PTPRC: variants seen among roughly 807,000 people sequenced by gnomAD.
PTPRC encodes the protein receptor-type tyrosine-protein phosphatase C.
A neutral mutation model predicts 155.9 loss-of-function variants in PTPRC; 44 were observed. The observed-to-expected ratio is 0.28, with a 90% CI of 0.22 to 0.36. The LOEUF is 0.36. PTPRC is among the 10% of genes least tolerant of loss of function. The pLI is 1.00. For synonymous variants in PTPRC, 525 were observed against 533.1 expected (o/e 0.98, Z 0.21); for missense variants, 1,401 against 1,564.6 (o/e 0.90, Z 1.76).
chr1:198,704,321 A>G (rs535179895), intron 7 of PTPRC, 151 bp from the exon 8 acceptor site: 2 of 1,393,176 alleles, frequency 1.4e-6, no homozygotes, highest in Non-Finnish European at 1.9e-6. Flanking sequence ...TGAAATGAAA[A>G]CCTGTACTAG....
rs115797104 is a variant in PTPRC at position 198,696,743 on chromosome 1, A to G, written c.132A>G (p.Pro44=). Residue 44 remains proline (P), a synonymous_variant, in exon 4 of 33, where the codon CCA becomes CCG. Coordinates refer to ENST00000442510, the MANE Select transcript of PTPRC (RefSeq NM_002838.5). ...CTACAGCAAAGATGCCCAGTGTTCC[A>G]CTTTCAAGTGACCCCTTACCTACTC... ...GLTTAKMPSV[P]LSSDPLPTHT... 5.3e-4 allele frequency: 850 copies of G among 1,614,062 alleles called. 4 individuals carry two copies. In the African/African-American group the frequency reaches 0.01, roughly 20 times the overall value.
intron 11 of PTPRC, 173 bp from the exon 12 acceptor site, chr1:198,712,780 A>G (rs1396263704): frequency 1.4e-6 from 1 of 709,096 alleles, no homozygotes; most frequent in African/African-American, 1.8e-5. Context: ...TTACTTTGTT[A>G]AAGGAATTTA....
intron 28 of PTPRC, among the ~76,000 whole-genome samples, 164 bp downstream of exon 28, chr1:198,749,713 A>G (rs1655295562): frequency 6.6e-6 from 1 of 151,946 alleles, no homozygotes; most frequent in African/African-American, 2.4e-5. Context: ...ATTTAACTTA[A>G]TGAAAGATTT....
chr1:198,671,099 A>C (rs1026053938), intron 2 of PTPRC, among the ~76,000 whole-genome samples: 2 of 152,080 alleles, frequency 1.3e-5, no homozygotes. Context: ...ATTAAAAATA[A>C]TTTAAATTTT....
chr1:198,712,995 C>T lies in PTPRC; in HGVS notation c.1214C>T (p.Ala405Val), dbSNP rs773554356. 1 of 1,613,676 alleles carries T rather than the reference C, an allele frequency of 6.2e-7. No individual in the cohort carries two copies. The highest frequency in any genetic ancestry group is 1.1e-5 in the South Asian group (1 of 91,076). ...PQIIFCRSEA[A>V]HQGVITWNPP... ...ATTATTTTTTGTAGAAGTGAAGCTG[C>T]ACATCAAGGAGTAATTACCTGGAAT... Residue 405 changes from alanine (A) to valine (V), a missense_variant, in exon 12 of 33, where the codon GCA (alanine) becomes GTA (valine). Ala to Val is a moderately conservative substitution (Grantham distance 64). Coordinates refer to ENST00000442510, the MANE Select transcript of PTPRC (RefSeq NM_002838.5).
rs765375367 is a variant in PTPRC at position 198,735,224 on chromosome 1, A to G, written c.2375A>G (p.Tyr792Cys). 1 of 1,602,616 alleles carries G rather than the reference A, an allele frequency of 6.2e-7. No homozygotes were observed. The highest frequency in any genetic ancestry group is 1.7e-5 in the Admixed American group (1 of 59,596). ...AACCAGCACAAAAGATGTCCAGATTACATCATTCAGAAATTGAACATTGTA... is the reference window on the plus strand; with the variant it reads ...AACCAGCACAAAAGATGTCCAGATTGCATCATTCAGAAATTGAACATTGTA... ...KINQHKRCPD[Y>C]IIQKLNIVNK... Residue 792 changes from tyrosine (Y) to cysteine (C), a missense_variant, in exon 23 of 33, where the codon TAC (tyrosine) becomes TGC (cysteine). Around this residue, in one of 3 missense-constraint regions of PTPRC, gnomAD observed 867 missense variants for 970.4 expected, o/e 0.89. Transcript: ENST00000442510.
intron 3 of PTPRC, chr1:198,694,227 A>G: frequency 1.5e-6 from 2 of 1,318,848 alleles, no homozygotes; most frequent in Non-Finnish European, 2.0e-6. Context: ...GATGAAGACC[A>G]GAAGACTCAG....
In PTPRC at chr1:198,720,737, T is replaced by G. The variant is rs573351075; in HGVS notation, c.1660-1679T>G. ...AAGACTCATTTATATCTTCTTTCAATAGGATTAGTCTTTTCAGATATTTTA... is the reference window on the plus strand; with the variant it reads ...AAGACTCATTTATATCTTCTTTCAAGAGGATTAGTCTTTTCAGATATTTTA... On this transcript the variant is annotated intron_variant, in intron 14 of 32. Transcript: ENST00000442510. Among the ~76,000 whole-genome samples the G allele has an allele frequency of 1.3e-4, 20 of 152,344 alleles. No homozygotes were observed. The South Asian group carries it at 3.3e-3, about 25-fold the overall frequency.
chr1:198,706,901 C>T lies in PTPRC; in HGVS notation c.853C>T (p.His285Tyr). ...TAAAAATGCGTCTGTTTCCATATCT[C>T]ATAATTCATGTACTGCTCCTGATAA... ...ECKNASVSIS[H>Y]NSCTAPDKTL... The change falls in exon 9 of 33, where the codon CAT (histidine) becomes TAT (tyrosine). Residue 285 changes from histidine to tyrosine, a missense_variant. By Grantham distance (83) the His-to-Tyr change is moderately conservative (BLOSUM62 2). This residue lies in a region of PTPRC where 867 missense variants were observed against 970.4 expected (regional missense o/e 0.89). Transcript: ENST00000442510. 1 of 1,613,182 alleles carries T rather than the reference C, an allele frequency of 6.2e-7. No individual in the cohort carries two copies. Among genetic ancestry groups the T allele is most frequent in the Non-Finnish European group, 8.5e-7 (1 of 1,179,220 alleles).
intron 5 of PTPRC, among the ~76,000 whole-genome samples, chr1:198,700,624 A>T (rs1666414304): frequency 6.6e-6 from 1 of 152,168 alleles, no homozygotes; most frequent in Non-Finnish European, 1.5e-5. Context: ...CTTTTAGCAA[A>T]CCCACAGATC....
At chr1:198,743,123 G>GTAAATATGTATCAA (rs1654986933) in intron 25 of PTPRC, among the ~76,000 whole-genome samples, 1 of 142,678 alleles carries the variant, frequency 7.0e-6, no homozygotes, top group Non-Finnish European at 1.5e-5. Flanking sequence ...TGGAAACACC[G>GTAAATATGTATCAA]TAAATATGTA....
chr1:198,707,819 G>A (rs958871277), intron 9 of PTPRC, among the ~76,000 whole-genome samples: 2 of 152,076 alleles, frequency 1.3e-5, no homozygotes, highest in Non-Finnish European at 2.9e-5. Context: ...AATACAAAAT[G>A]GAATGAGTGT....
chr1:198,753,571 T>C (rs569356898), intron 31 of PTPRC, among the ~76,000 whole-genome samples: 1 of 152,116 alleles, frequency 6.6e-6, no homozygotes, highest in Admixed American at 6.6e-5. Context: ...AATATATGAA[T>C]TTTCAGCATT....
chr1:198,680,067 C>A, intron 2 of PTPRC: 1 of 464,394 alleles, frequency 2.2e-6, no homozygotes. Context: ...CAGCGCGCAG[C>A]TGGGAGTGCC....
chr1:198,648,418 T>A (rs1663053108), intron 2 of PTPRC, among the ~76,000 whole-genome samples: 1 of 151,784 alleles, frequency 6.6e-6, no homozygotes, highest in African/African-American at 2.4e-5. Context: ...GGGGTCTATC[T>A]GATTCTAGAT....
chr1:198,752,750 A>C lies in PTPRC; in HGVS notation c.3487A>C (p.Thr1163Pro). The C allele has an allele frequency of 6.2e-7, 1 of 1,612,808 alleles. No homozygotes were observed. The highest frequency in any genetic ancestry group is 8.5e-7 in the Non-Finnish European group (1 of 1,179,282). ...SSEGNKHHKS[T>P]PLLIHCRDGS... ...TGAAGGGAACAAGCATCACAAGAGT[A>C]CACCTCTACTCATTCACTGCAGGTG... Residue 1163 changes from threonine (T) to proline (P), a missense_variant, in exon 31 of 33, where the codon ACA becomes CCA. Physicochemically the swap from Thr to Pro is conservative, Grantham distance 38. Around this residue, in one of 3 missense-constraint regions of PTPRC, gnomAD observed 400 missense variants for 389.5 expected, o/e 1.03. Coordinates refer to ENST00000442510, the MANE Select transcript of PTPRC (RefSeq NM_002838.5).
At chr1:198,712,176 T>G (rs1438358009) in intron 11 of PTPRC, among the ~76,000 whole-genome samples, 1 of 152,224 alleles carries the variant, frequency 6.6e-6, no homozygotes, top group Non-Finnish European at 1.5e-5. Flanking sequence ...CTATGACACA[T>G]GCAACTAAGT....
intron 29 of PTPRC, 138 bp downstream of exon 29, chr1:198,750,764 C>A: frequency 9.0e-7 from 1 of 1,110,556 alleles, no homozygotes; most frequent in Non-Finnish European, 1.3e-6. Context: ...TCAGTCTTAC[C>A]CCTTTCACCC....
intron 13 of PTPRC, 77 bp from the exon 14 acceptor site, chr1:198,718,017 T>C: frequency 2.5e-6 from 3 of 1,191,538 alleles, no homozygotes; most frequent in Non-Finnish European, 3.7e-6. Context: ...TACTTTATAC[T>C]ATATCCAAGT....
Sources: gnomAD v4.1 joint callset for allele counts (sites outside exome capture counted in the v4.1 genomes callset) on GRCh38, gnomAD v4.1.1 for gene constraint, gnomAD v4.1.1 regional missense constraint, MANE v1.5 for transcripts, NCBI Gene and HGNC (gene_info 2026-07-23, HGNC 2026-07-21) for gene names.